STAU2: variants seen among roughly 807,000 people sequenced by gnomAD.
The protein encoded by STAU2 is staufen double-stranded RNA binding protein 2.
A neutral mutation model predicts 65.9 loss-of-function variants in STAU2; 20 were observed. The observed-to-expected ratio is 0.30, with a 90% confidence interval of 0.21 to 0.44. The LOEUF is 0.44. Among genes scored for constraint, STAU2 ranks in the 20% least tolerant of loss-of-function variants. The probability of loss-of-function intolerance (pLI) is 1.00; values close to 1 mark genes in which losing one functional copy is unlikely to be tolerated. For synonymous variants in STAU2, 232 were observed against 233.9 expected (o/e 0.99, Z 0.07); for missense variants, 558 against 683.9 (o/e 0.82, Z 2.05).
At chr8:73,613,226 G>A (rs975166786) in intron 9 of STAU2, among the ~76,000 whole-genome samples, 4 of 152,168 alleles carry the variant, frequency 2.6e-5, no homozygotes, top group African/African-American at 9.7e-5. Flanking sequence ...AGCTATCATT[G>A]TTAGTATTAG....
intron 9 of STAU2, among the ~76,000 whole-genome samples, chr8:73,609,871 T>C (rs1408363962): frequency 6.6e-6 from 1 of 152,190 alleles, no homozygotes; most frequent in East Asian, 1.9e-4. Flanking sequence ...TCTGTTTAAT[T>C]TGACTCAAAG....
Position 73,617,276 on chromosome 8 carries a change from T to C in STAU2, c.570+16A>G. On this transcript the variant is annotated intron_variant, in intron 7 of 14. Transcript: ENST00000524300. ...AAAGTAGAAAGAACAGACTGTCACATGCAGCAGCACCACACCTGAGGAGAT... is the reference window on the plus strand; with the variant it reads ...AAAGTAGAAAGAACAGACTGTCACACGCAGCAGCACCACACCTGAGGAGAT... The C allele has an allele frequency of 6.2e-7, 1 of 1,610,788 alleles. No homozygotes were observed. Among genetic ancestry groups the C allele is most frequent in the Non-Finnish European group, 8.5e-7 (1 of 1,178,888 alleles).
chr8:73,513,558 CT>C (rs1276827783), intron 13 of STAU2, among the ~76,000 whole-genome samples: 3 of 152,094 alleles, frequency 2.0e-5, no homozygotes, highest in Non-Finnish European at 4.4e-5. Flanking sequence ...GTATAGGTAG[CT>C]TGAGCCCTCT....
chr8:73,647,739 T>C (rs1815499772), intron 6 of STAU2, among the ~76,000 whole-genome samples: 1 of 151,994 alleles, frequency 6.6e-6, no homozygotes, highest in Non-Finnish European at 1.5e-5. Flanking sequence ...CCACCATGTC[T>C]GGCTAATTTA....
At chr8:73,421,956 AT>A (rs57489089) in intron 14 of STAU2, among the ~76,000 whole-genome samples, 62,290 of 144,168 alleles carry the variant, frequency 0.43, 13,155 homozygotes, top group Admixed American at 0.53. Flanking sequence ...ACCCCTTTCC[AT>A]TTTTTTTTTT....
intron 13 of STAU2, among the ~76,000 whole-genome samples, chr8:73,530,954 A>C (rs998710207): frequency 4.6e-5 from 7 of 152,192 alleles, no homozygotes; most frequent in Non-Finnish European, 1.0e-4. Context: ...ACACATGGAC[A>C]TGGTGTACAT....
intron 1 of STAU2, 24 bp from the exon 2 acceptor site, chr8:73,739,892 A>G: frequency 1.2e-6 from 1 of 813,502 alleles, no homozygotes; most frequent in Non-Finnish European, 2.0e-6. Context: ...TATAGCAGAA[A>G]TAATGAGATA....
At chr8:73,545,814 A>AT (rs1199393748) in intron 13 of STAU2, among the ~76,000 whole-genome samples, 1 of 151,554 alleles carries the variant, frequency 6.6e-6, no homozygotes, top group Non-Finnish European at 1.5e-5. Flanking sequence ...TGCCTGGCTA[A>AT]TTTTTTGTAT....
rs187684424 is a variant in STAU2, at chr8:73,684,429, C to T, written c.274+4225G>A. On this transcript the variant is annotated intron_variant, in intron 5 of 14. Coordinates refer to ENST00000524300, the MANE Select transcript of STAU2 (RefSeq NM_001164380.2). ...CACATGGAGAAGAATGAAACTGGAT[C>T]CTCATCTCTCACTTGATATAAAAAT... Among the ~76,000 whole-genome samples the T allele has an allele frequency of 8.4e-4, 128 of 152,242 alleles. 1 individual carries two copies. The highest frequency in any genetic ancestry group is 2.9e-3 in the African/African-American group (121 of 41,534).
intron 12 of STAU2, among the ~76,000 whole-genome samples, chr8:73,558,293 T>C (rs909830558): frequency 6.6e-6 from 1 of 152,216 alleles, no homozygotes; most frequent in African/African-American, 2.4e-5. Flanking sequence ...AGAGATGAGC[T>C]CACCAAAATC....
At chr8:73,564,866 T>C (rs751442937) in intron 12 of STAU2, among the ~76,000 whole-genome samples, 1 of 152,158 alleles carries the variant, frequency 6.6e-6, no homozygotes, top group Non-Finnish European at 1.5e-5. Context: ...AAGATATGCA[T>C]ATTAGGTTCA....
chr8:73,682,747 G>T (rs1463564471), intron 5 of STAU2, among the ~76,000 whole-genome samples: 1 of 151,960 alleles, frequency 6.6e-6, no homozygotes, highest in African/African-American at 2.4e-5. Context: ...GAAGACAGAA[G>T]ATCCAAATAA....
At chr8:73,687,803 C>G (rs558611741) in intron 5 of STAU2, among the ~76,000 whole-genome samples, 14 of 151,974 alleles carry the variant, frequency 9.2e-5, no homozygotes, top group African/African-American at 3.1e-4. Context: ...CCTCTGCCTC[C>G]CGGGTTCACG....
rs570280005 is a variant in STAU2 at position 73,577,221 on chromosome 8, G to A, written c.1222+5549C>T. 3.3e-5 allele frequency among the ~76,000 whole-genome samples: 5 copies of A among 152,200 alleles called. No individual in the cohort carries two copies. In the East Asian group the frequency reaches 7.7e-4, roughly 23 times the overall value. On this transcript the variant is annotated intron_variant, in intron 12 of 14. Coordinates refer to ENST00000524300, the MANE Select transcript of STAU2 (RefSeq NM_001164380.2). ...AGGTGGGCAGATCACAAGGTCAGGA[G>A]ATCGAGACCATCCTGGCTAACACAA...
At chr8:73,528,290 G>C (rs1316358004) in intron 13 of STAU2, among the ~76,000 whole-genome samples, 1 of 152,142 alleles carries the variant, frequency 6.6e-6, no homozygotes, top group African/African-American at 2.4e-5. Context: ...ACTATATCAT[G>C]TTCTGTTTGA....
At chr8:73,730,728 CAAAAAAAA>C (rs60034849) in intron 3 of STAU2, among the ~76,000 whole-genome samples, 10 of 82,702 alleles carry the variant, frequency 1.2e-4, no homozygotes, top group Admixed American at 9.9e-4. Flanking sequence ...CTACGTCTTT[CAAAAAAAA>C]AAAAAAAAAA....
chr8:73,747,250 C>T (rs1807354789), upstream of STAU2: 2 of 1,060,492 alleles, frequency 1.9e-6, no homozygotes, highest in Non-Finnish European at 2.7e-6. Context: ...CCCGGCGCGA[C>T]TCCCCGCCCC....
At chr8:73,540,824 CT>C (rs35082081) in intron 13 of STAU2, among the ~76,000 whole-genome samples, 16 of 150,094 alleles carry the variant, frequency 1.1e-4, no homozygotes, top group Admixed American at 1.3e-4. Flanking sequence ...TGAGTTTTGA[CT>C]TTTTTTTTTC....
At chr8:73,739,460 C>T (rs952360135) in intron 2 of STAU2, among the ~76,000 whole-genome samples, 2 of 151,986 alleles carry the variant, frequency 1.3e-5, no homozygotes, top group African/African-American at 4.8e-5. Context: ...TGTTATGCTG[C>T]TAAATTTTAA....
Sources: allele counts gnomAD v4.1 joint callset (sites outside exome capture counted in the v4.1 genomes callset), GRCh38; gene constraint gnomAD v4.1.1; transcripts MANE v1.5; gene names NCBI Gene and HGNC (gene_info 2026-07-23, HGNC 2026-07-21).